Variants in TMEM232 observed in about 807,000 individuals in gnomAD.
The protein encoded by TMEM232 is transmembrane protein 232.
A neutral mutation model predicts 78.8 loss-of-function variants in TMEM232; 80 were observed. The ratio of observed to expected loss-of-function variants is 1.01; its 90% CI spans 0.85 to 1.22. The LOEUF is 1.22. Among genes scored for constraint, TMEM232 ranks in the 50% most tolerant of loss-of-function variants. TMEM232 has a pLI of 0.00. For synonymous variants in TMEM232, 297 were observed against 254.3 expected (o/e 1.17, Z -1.60); for missense variants, 881 against 742.2 (o/e 1.19, Z -2.17).
At chr5:110,652,083 A>C (rs1007046925) in intron 2 of TMEM232, among the ~76,000 whole-genome samples, 2 of 152,208 alleles carry the variant, frequency 1.3e-5, no homozygotes, top group East Asian at 3.9e-4. Context: ...ACTCAAGGTT[A>C]TATCTTGAAA....
chr5:110,421,248 G>T (rs1002993614), intron 13 of TMEM232, among the ~76,000 whole-genome samples: 1 of 151,784 alleles, frequency 6.6e-6, no homozygotes, highest in South Asian at 2.1e-4. Flanking sequence ...AAGCTCTAAA[G>T]AATTTATCTT....
intron 1 of TMEM232, among the ~76,000 whole-genome samples, chr5:110,714,886 C>T (rs1373162796): frequency 2.0e-5 from 3 of 151,986 alleles, no homozygotes; most frequent in Non-Finnish European, 2.9e-5. Flanking sequence ...ATCTGAAGAT[C>T]CTAAATTCCA....
chr5:110,497,098 C>T (rs901046940), intron 12 of TMEM232, among the ~76,000 whole-genome samples: 2 of 151,782 alleles, frequency 1.3e-5, no homozygotes, highest in African/African-American at 4.8e-5. Flanking sequence ...TATCTATGGT[C>T]TCCTCCAAAT....
intron 12 of TMEM232, among the ~76,000 whole-genome samples, chr5:110,465,520 A>ATGTT (rs1320524902): frequency 6.6e-6 from 1 of 152,166 alleles, no homozygotes. Flanking sequence ...CTTTGTGTAT[A>ATGTT]TGTTTATTTG....
At chr5:110,660,567 AAAGTT>A (rs1431790836) in intron 2 of TMEM232, among the ~76,000 whole-genome samples, 4 of 152,198 alleles carry the variant, frequency 2.6e-5, no homozygotes, top group African/African-American at 9.6e-5. Flanking sequence ...AAATGGTAAT[AAAGTT>A]TAGTGGGGAT....
At chr5:110,494,293 C>T (rs1002992925) in intron 12 of TMEM232, among the ~76,000 whole-genome samples, 1 of 151,560 alleles carries the variant, frequency 6.6e-6, no homozygotes, top group African/African-American at 2.4e-5. Flanking sequence ...AATAAATAAG[C>T]CAAAAATATG....
chr5:110,516,240 C>T (rs1366047203), intron 12 of TMEM232, among the ~76,000 whole-genome samples: 2 of 151,772 alleles, frequency 1.3e-5, no homozygotes, highest in Non-Finnish European at 2.9e-5. Flanking sequence ...CTCTGTCCCC[C>T]GCAGCCCAAA....
At chr5:110,547,704 A>T (rs1773942837) in intron 11 of TMEM232, among the ~76,000 whole-genome samples, 1 of 152,114 alleles carries the variant, frequency 6.6e-6, no homozygotes, top group Non-Finnish European at 1.5e-5. Flanking sequence ...CAAATTAAAT[A>T]AAAAGCTTCT....
intron 2 of TMEM232, among the ~76,000 whole-genome samples, chr5:110,654,110 T>C (rs1022379923): frequency 2.6e-5 from 4 of 152,186 alleles, no homozygotes; most frequent in African/African-American, 9.7e-5. Flanking sequence ...AAATTCCTTC[T>C]CTGAAAAGTG....
chr5:110,713,703 C>G (rs956834688), intron 1 of TMEM232, among the ~76,000 whole-genome samples: 2 of 152,032 alleles, frequency 1.3e-5, no homozygotes, highest in East Asian at 1.9e-4. Context: ...CAAAAGACCA[C>G]GAGATCTATG....
intron 12 of TMEM232, among the ~76,000 whole-genome samples, chr5:110,440,655 C>CTATTT (rs1175675635): frequency 6.6e-6 from 1 of 152,030 alleles, no homozygotes; most frequent in Admixed American, 6.6e-5. Context: ...GAAATGTTTT[C>CTATTT]TATTTTCCAA....
chr5:110,587,448 G>A (rs902425570), intron 10 of TMEM232, among the ~76,000 whole-genome samples: 1 of 151,802 alleles, frequency 6.6e-6, no homozygotes, highest in Non-Finnish European at 1.5e-5. Context: ...AAAACTTGCA[G>A]ACATTAAAAC....
intron 12 of TMEM232, among the ~76,000 whole-genome samples, chr5:110,499,646 C>CACAT (rs1322643932): frequency 6.9e-5 from 10 of 145,154 alleles, no homozygotes; most frequent in African/African-American, 2.2e-4. Flanking sequence ...CACACACACA[C>CACAT]ATATATATAT....
intron 11 of TMEM232, among the ~76,000 whole-genome samples, chr5:110,536,501 C>T (rs1196374809): frequency 6.6e-6 from 1 of 152,152 alleles, no homozygotes; most frequent in East Asian, 1.9e-4. Context: ...ACAGGGTGAA[C>T]TCACGTTTCA....
At chr5:110,443,714 T>C (rs1759314924) in intron 12 of TMEM232, among the ~76,000 whole-genome samples, 1 of 152,192 alleles carries the variant, frequency 6.6e-6, no homozygotes, top group Admixed American at 6.5e-5. Flanking sequence ...TGAAGTCAAC[T>C]TATCTCAGAG....
chr5:110,725,636 A>C (rs1798076396), intron 1 of TMEM232: 1 of 152,212 alleles, frequency 6.6e-6, no homozygotes, highest in Non-Finnish European at 1.5e-5. Flanking sequence ...AAGAATGTTT[A>C]TACTTTAAAG....
intron 10 of TMEM232, among the ~76,000 whole-genome samples, chr5:110,599,149 T>G (rs1455152406): frequency 6.6e-6 from 1 of 152,012 alleles, no homozygotes; most frequent in Non-Finnish European, 1.5e-5. Flanking sequence ...CAGGCCTGCC[T>G]TACAAGAGCT....
intron 12 of TMEM232, among the ~76,000 whole-genome samples, chr5:110,431,794 T>C (rs1394765346): frequency 4.0e-5 from 6 of 151,526 alleles, no homozygotes; most frequent in African/African-American, 1.2e-4. Flanking sequence ...GAAAAGAAGA[T>C]TGGTGAATTG....
intron 2 of TMEM232, among the ~76,000 whole-genome samples, chr5:110,649,408 T>G (rs1190535328): frequency 6.6e-6 from 1 of 152,132 alleles, no homozygotes; most frequent in Non-Finnish European, 1.5e-5. Flanking sequence ...TATATTTATG[T>G]TCATATAGTC....
Sources: gnomAD v4.1 joint callset for allele counts (sites outside exome capture counted in the v4.1 genomes callset) on GRCh38, gnomAD v4.1.1 for gene constraint, MANE v1.5 for transcripts, NCBI Gene and HGNC (gene_info 2026-07-23, HGNC 2026-07-21) for gene names.